The following GABRR1 variants were observed in gnomAD, a reference collection of about 807,000 sequenced individuals.
GABRR1 encodes gamma-aminobutyric acid receptor subunit rho-1.
In GABRR1, 59 loss-of-function variants were observed where a neutral mutation model predicts 55.5. The observed-to-expected ratio is 1.06, with a 90% confidence interval of 0.86 to 1.32. The LOEUF (loss-of-function observed/expected upper bound fraction) is 1.32, where lower values mean the gene tolerates loss of function less well. GABRR1 is among the 40% of genes most tolerant of loss of function. The probability of loss-of-function intolerance (pLI) is 0.00; values close to 1 mark genes in which losing one functional copy is unlikely to be tolerated. For synonymous variants in GABRR1, 213 were observed against 226.0 expected (o/e 0.94, Z 0.51); for missense variants, 602 against 619.1 (o/e 0.97, Z 0.29).
chr6:89,207,886 C>T (rs1772702028), intron 1 of GABRR1, among the ~76,000 whole-genome samples: 1 of 152,166 alleles, frequency 6.6e-6, no homozygotes, highest in African/African-American at 2.4e-5. Context: ...TAGGAGGAAG[C>T]AGGCAGTTAG....
chr6:89,185,419 G>T lies in GABRR1; in HGVS notation c.687C>A (p.Tyr229Ter). Reference sequence around the variant, plus strand: ...TTAAGGAGTCATTGCCCTTTTTCCAGTACAGCATGAGGTCATCTTCTGTAT... The same window carrying T: ...TTAAGGAGTCATTGCCCTTTTTCCATTACAGCATGAGGTCATCTTCTGTAT... Reference protein sequence around the residue: ...YAYTEDDLMLYWKKGNDSLKT... With the variant: ...YAYTEDDLML Residue 229 changes from tyrosine (Y) to a stop codon, truncating the protein, a stop_gained, in exon 7 of 10, where the codon TAC becomes TAA. Coordinates refer to ENST00000454853, the MANE Select transcript of GABRR1 (RefSeq NM_002042.5). LOFTEE classifies it high-confidence loss of function. The T allele has an allele frequency of 6.2e-7, 1 of 1,613,588 alleles. No homozygotes were observed. Among genetic ancestry groups the T allele is most frequent in the African/African-American group, 1.3e-5 (1 of 75,014 alleles).
intron 1 of GABRR1, among the ~76,000 whole-genome samples, chr6:89,215,269 C>T (rs1772950134): frequency 6.6e-6 from 1 of 152,176 alleles, no homozygotes; most frequent in African/African-American, 2.4e-5. Context: ...TTATTCATAA[C>T]AGTCAAGTTA....
At chr6:89,185,729 T>A (rs1771882797) in intron 6 of GABRR1, among the ~76,000 whole-genome samples, 1 of 152,236 alleles carries the variant, frequency 6.6e-6, no homozygotes, top group Non-Finnish European at 1.5e-5. Flanking sequence ...CTGCCATTTA[T>A]TAGGTTAAAT....
At position 89,181,925 on chromosome 6, in the gene GABRR1, ACGG is replaced by A. The variant is rs1771734803; in HGVS notation, c.926_928del (p.Ala309del). The A allele has an allele frequency of 1.9e-6, 3 of 1,613,314 alleles. No individual in the cohort carries two copies. In the African/African-American group the frequency reaches 4.0e-5, roughly 22 times the overall value. On this transcript the variant is annotated inframe_deletion, in exon 8 of 10. Transcript: ENST00000454853. ...CTTACCTAAGGGGACTCTGGCAGGC[ACGG>A]CTCTGCGGTCGATCCAGAAGGACAC... is the stretch of plus-strand genomic sequence containing the variant.
chr6:89,228,762 C>G, intron 1 of GABRR1, among the ~76,000 whole-genome samples: 1 of 151,000 alleles, frequency 6.6e-6, no homozygotes, highest in Non-Finnish European at 1.5e-5. Context: ...GTGGAGAGTT[C>G]TGTAGATGTC....
upstream of GABRR1, among the ~76,000 whole-genome samples, chr6:89,220,687 T>G (rs986693663): frequency 4.6e-5 from 7 of 152,126 alleles, no homozygotes; most frequent in African/African-American, 1.7e-4. Context: ...CCAGACTGAC[T>G]TACTGAACTA....
Position 89,199,388 on chromosome 6 carries a change from A to T in GABRR1, c.322T>A (p.Leu108Met). 4 of 1,613,960 alleles carry T rather than the reference A, an allele frequency of 2.5e-6. No homozygotes were observed. Among genetic ancestry groups the T allele is most frequent in the Non-Finnish European group, 3.4e-6 (4 of 1,179,930 alleles). Residue 108 changes from leucine (L) to methionine (M), a missense_variant, in exon 4 of 10, where the codon TTG (leucine) becomes ATG (methionine). Physicochemically the swap from Leu to Met is conservative, Grantham distance 15. Coordinates refer to ENST00000454853, the MANE Select transcript of GABRR1 (RefSeq NM_002042.5). ...ATGTCAACCTCTGAGATGCTATCCAAACTCTCCACCTGCACATCCACACCA... is the reference window on the plus strand; with the variant it reads ...ATGTCAACCTCTGAGATGCTATCCATACTCTCCACCTGCACATCCACACCA... ...PVGVDVQVES[L>M]DSISEVDMDF...
At chr6:89,207,477 G>A (rs1000768262) in intron 1 of GABRR1, among the ~76,000 whole-genome samples, 1 of 152,166 alleles carries the variant, frequency 6.6e-6, no homozygotes, top group Non-Finnish European at 1.5e-5. Flanking sequence ...TTACAAGTGT[G>A]AGCCACCACA....
At chr6:89,216,722 C>T (rs555822381) in intron 1 of GABRR1, among the ~76,000 whole-genome samples, 1 of 152,268 alleles carries the variant, frequency 6.6e-6, no homozygotes, top group South Asian at 2.1e-4. Context: ...TAATAATGAT[C>T]CTTCTAGTCA....
intron 1 of GABRR1, among the ~76,000 whole-genome samples, chr6:89,204,268 A>G (rs1772572580): frequency 6.6e-6 from 1 of 152,234 alleles, no homozygotes; most frequent in Non-Finnish European, 1.5e-5. Context: ...ACACATCAGA[A>G]CAGATGCACA....
intron 6 of GABRR1, among the ~76,000 whole-genome samples, chr6:89,187,862 T>C (rs145917933): frequency 2.0e-5 from 3 of 152,336 alleles, no homozygotes; most frequent in Non-Finnish European, 4.4e-5. Context: ...TGTGTATCCA[T>C]TCATCCATTG....
In GABRR1 at chr6:89,195,285, A is replaced by G. The variant is rs901921682; in HGVS notation, c.572+2735T>C. Reference sequence around the variant, plus strand: ...AGACCAGCCTGGGCAACACGGTGAAACCTCATTTCTACTAAAATACAAAAA... The same window carrying G: ...AGACCAGCCTGGGCAACACGGTGAAGCCTCATTTCTACTAAAATACAAAAA... On this transcript the variant is annotated intron_variant, in intron 5 of 9. Transcript: ENST00000454853. Among the ~76,000 whole-genome samples, 11 of 152,068 alleles carry G rather than the reference A, an allele frequency of 7.2e-5. No homozygotes were observed. In the South Asian group the frequency reaches 2.3e-3, roughly 32 times the overall value.
rs750220329 is a variant in GABRR1 at position 89,178,860 on chromosome 6, G to A, written c.1350C>T (p.Ile450=). The A allele has an allele frequency of 1.1e-5, 18 of 1,614,016 alleles. No homozygotes were observed. The highest frequency in any genetic ancestry group is 1.4e-5 in the Non-Finnish European group (17 of 1,180,008). The change falls in exon 10 of 10, where the codon ATC becomes ATT. Residue 450 remains isoleucine, a synonymous_variant. Transcript: ENST00000454853. ...AGTATTTATCAATGGCGTGGGTGTC[G>A]ATTCTCATGCTCACATAGCTGCTTC... ...SQRSSYVSMR[I]DTHAIDKYSR... is the part of the protein sequence containing the mutation.
chr6:89,200,268 A>G (rs1218452790), intron 3 of GABRR1, among the ~76,000 whole-genome samples: 1 of 90,536 alleles, frequency 1.1e-5, no homozygotes, highest in Non-Finnish European at 2.0e-5. Flanking sequence ...TTTTTTTTGG[A>G]GACAGAGTCT....
Position 89,178,674 on chromosome 6 carries a change from AT to A in GABRR1, c.*95del, listed in dbSNP as rs918019809. On this transcript the variant is annotated 3_prime_UTR_variant, in exon 10 of 10. Coordinates refer to ENST00000454853, the MANE Select transcript of GABRR1 (RefSeq NM_002042.5). ...AGTGAAAACATGGGTGGGTCCTGGG[AT>A]TTTTTTTTAACCATATCCTTAAATA... 4.0e-4 allele frequency: 450 copies of A among 1,112,542 alleles called. No individual in the cohort carries two copies. The highest frequency in any genetic ancestry group is 8.7e-4 in the Admixed American group (38 of 43,840). 68.9% of individuals were successfully genotyped at this position (1,112,542 alleles called of 1,614,324 possible).
chr6:89,220,861 C>T (rs1773103122), upstream of GABRR1, among the ~76,000 whole-genome samples: 1 of 152,148 alleles, frequency 6.6e-6, no homozygotes, highest in Non-Finnish European at 1.5e-5. Flanking sequence ...GCTGGGATTA[C>T]ACGCATTCGC....
chr6:89,226,203 C>A (rs1206762906), intron 1 of GABRR1, among the ~76,000 whole-genome samples: 1 of 150,634 alleles, frequency 6.6e-6, no homozygotes, highest in Non-Finnish European at 1.5e-5. Flanking sequence ...AATTTTCTCC[C>A]ATTTTGTAGG....
intron 5 of GABRR1, among the ~76,000 whole-genome samples, chr6:89,190,625 T>C (rs1218392359): frequency 5.3e-5 from 8 of 152,224 alleles, no homozygotes; most frequent in African/African-American, 1.2e-4. Flanking sequence ...ATTCCAGTTC[T>C]TTTGTTCTTT....
intron 5 of GABRR1, among the ~76,000 whole-genome samples, chr6:89,191,050 T>C (rs1170829529): frequency 6.6e-6 from 1 of 152,254 alleles, no homozygotes; most frequent in African/African-American, 2.4e-5. Context: ...TACGCAAAAG[T>C]TGTGGAAATT....
Sources: allele counts gnomAD v4.1 joint callset (sites outside exome capture counted in the v4.1 genomes callset), GRCh38; gene constraint gnomAD v4.1.1; transcripts MANE v1.5; gene names NCBI Gene and HGNC (gene_info 2026-07-23, HGNC 2026-07-21).